The following CNIH3 variants were observed in gnomAD, a reference collection of about 807,000 sequenced individuals.
CNIH3 encodes the protein protein cornichon homolog 3.
In CNIH3, 14 loss-of-function variants were observed where a neutral mutation model predicts 24.1. The ratio of observed to expected loss-of-function variants is 0.58; its 90% CI spans 0.38 to 0.91. The LOEUF (loss-of-function observed/expected upper bound fraction) is 0.91, where lower values mean the gene tolerates loss of function less well. CNIH3 is among the 40% of genes least tolerant of loss of function. The probability of loss-of-function intolerance (pLI) is 0.00; values close to 1 mark genes in which losing one functional copy is unlikely to be tolerated. For synonymous variants in CNIH3, 68 were observed against 73.8 expected (o/e 0.92, Z 0.40); for missense variants, 178 against 196.8 (o/e 0.90, Z 0.57).
At chr1:224,460,291 G>A (rs1032639508) in intron 1 of CNIH3, among the ~76,000 whole-genome samples, 21 of 152,234 alleles carry the variant, frequency 1.4e-4, no homozygotes, top group Admixed American at 4.6e-4. Flanking sequence ...AATTTGATAA[G>A]TTTTGCCATA....
intron 1 of CNIH3, among the ~76,000 whole-genome samples, chr1:224,460,691 G>A (rs557669104): frequency 6.6e-6 from 1 of 151,992 alleles, no homozygotes; most frequent in South Asian, 2.1e-4. Flanking sequence ...AAGCTACTCT[G>A]AACATTTGTG....
intron 1 of CNIH3, among the ~76,000 whole-genome samples, chr1:224,679,380 C>T (rs1020410673): frequency 3.3e-5 from 5 of 152,122 alleles, no homozygotes; most frequent in African/African-American, 9.7e-5. Flanking sequence ...CAAACCAAAA[C>T]ATTCTTAGCT....
At chr1:224,463,770 CTCAT>C (rs1676030599) in intron 1 of CNIH3, among the ~76,000 whole-genome samples, 2 of 87,070 alleles carry the variant, frequency 2.3e-5, no homozygotes, top group Admixed American at 1.5e-4. Context: ...ATGAATTGTC[CTCAT>C]TTTTTTTTTT....
chr1:224,600,856 C>T (rs1197086387), intron 3 of CNIH3, among the ~76,000 whole-genome samples: 2 of 152,156 alleles, frequency 1.3e-5, no homozygotes, highest in Non-Finnish European at 2.9e-5. Flanking sequence ...AGAAAATATA[C>T]CAGAGATCTC....
intron 1 of CNIH3, among the ~76,000 whole-genome samples, chr1:224,508,588 T>C (rs1678010099): frequency 1.3e-5 from 2 of 152,216 alleles, no homozygotes; most frequent in African/African-American, 4.8e-5. Flanking sequence ...CTTTATTCCA[T>C]AAAACATCTT....
chr1:224,484,294 G>A (rs903843084), intron 1 of CNIH3, among the ~76,000 whole-genome samples: 2 of 152,016 alleles, frequency 1.3e-5, no homozygotes, highest in Admixed American at 1.3e-4. Context: ...GCCGGGCGCG[G>A]TAGTGGGCAC....
At chr1:224,708,644 T>A (rs1687958229) in intron 3 of CNIH3, among the ~76,000 whole-genome samples, 1 of 152,142 alleles carries the variant, frequency 6.6e-6, no homozygotes, top group East Asian at 1.9e-4. Flanking sequence ...TTTGTCCTGT[T>A]CCCCTTTGAC....
intron 3 of CNIH3, among the ~76,000 whole-genome samples, chr1:224,710,138 A>C (rs1166830206): frequency 6.6e-6 from 1 of 152,246 alleles, no homozygotes; most frequent in East Asian, 1.9e-4. Context: ...TAAATAGTAG[A>C]AAGTGAGACT....
chr1:224,595,029 C>T (rs1169129721), intron 3 of CNIH3, among the ~76,000 whole-genome samples: 4 of 152,112 alleles, frequency 2.6e-5, no homozygotes, highest in African/African-American at 9.7e-5. Flanking sequence ...CATGTGCTTG[C>T]CTCATGTCTC....
intron 4 of CNIH3, among the ~76,000 whole-genome samples, chr1:224,568,442 A>G (rs1680678469): frequency 6.6e-6 from 1 of 152,040 alleles, no homozygotes; most frequent in Non-Finnish European, 1.5e-5. Flanking sequence ...TATTCATATA[A>G]TATATATGTG....
intron 1 of CNIH3, among the ~76,000 whole-genome samples, chr1:224,663,367 A>T (rs752764659): frequency 6.6e-6 from 1 of 152,210 alleles, no homozygotes; most frequent in Non-Finnish European, 1.5e-5. Flanking sequence ...ATGTCGACGT[A>T]TGCACAATCA....
intron 4 of CNIH3, among the ~76,000 whole-genome samples, chr1:224,569,788 T>C (rs921621099): frequency 3.9e-5 from 6 of 152,094 alleles, no homozygotes; most frequent in African/African-American, 1.4e-4. Flanking sequence ...GAGAATATTT[T>C]CTTTCTTTTT....
intron 1 of CNIH3, among the ~76,000 whole-genome samples, chr1:224,447,668 T>G (rs1675223008): frequency 6.6e-6 from 1 of 152,216 alleles, no homozygotes; most frequent in African/African-American, 2.4e-5. Flanking sequence ...GCATTGTCCC[T>G]TACCTTGTAA....
intron 1 of CNIH3, among the ~76,000 whole-genome samples, chr1:224,488,734 C>T (rs1677128763): frequency 6.6e-6 from 1 of 152,166 alleles, no homozygotes; most frequent in African/African-American, 2.4e-5. Flanking sequence ...TTCCAAAATG[C>T]TTGGATTATA....
chr1:224,696,498 G>A (rs1260505575), intron 3 of CNIH3, among the ~76,000 whole-genome samples: 2 of 152,178 alleles, frequency 1.3e-5, no homozygotes, highest in African/African-American at 4.8e-5. Flanking sequence ...GCCTGTGCAG[G>A]GCACACAGCC....
rs112503366 is a variant in CNIH3, at chr1:224,461,260, C to T, written n.203+26398C>T. ...TCAAGTGACCCACCCACCTTTGCCT[C>T]CCAAAGTGCTTGGATTACAGGCATG... On this transcript the variant is annotated intron_variant and non_coding_transcript_variant, in intron 1 of 5. Coordinates refer to the CNIH3 transcript ENST00000471578. 5.2e-3 allele frequency among the ~76,000 whole-genome samples: 791 copies of T among 152,238 alleles called. 5 individuals are homozygous for T. Among genetic ancestry groups the T allele is most frequent in the Middle Eastern group, 0.041 (12 of 294 alleles).
In CNIH3 at chr1:224,723,775, A is replaced by G. The variant is rs538783529; in HGVS notation, c.199-6687A>G. On this transcript the variant is annotated intron_variant, in intron 3 of 5. Transcript: ENST00000272133. ...CCCAGTGGTCAGCCATGAGGGTCCA[A>G]TTCTGGCCATGGAAGGCCAAGATCA... Among the ~76,000 whole-genome samples, 74 of 152,346 alleles carry G rather than the reference A, an allele frequency of 4.9e-4. 1 individual carries two copies. The highest frequency in any genetic ancestry group is 1.1e-3 in the African/African-American group (46 of 41,592).
At chr1:224,588,556 G>T (rs1681608603) in exon 6 of CNIH3, 1 of 151,712 alleles carries the variant, frequency 6.6e-6, no homozygotes, top group African/African-American at 2.4e-5. Context: ...GGATGAAGAA[G>T]ACATTTTTGG....
intron 1 of CNIH3, among the ~76,000 whole-genome samples, chr1:224,484,391 C>A (rs1676946955): frequency 1.3e-5 from 2 of 151,086 alleles, no homozygotes; most frequent in Non-Finnish European, 2.9e-5. Flanking sequence ...GATCACGCCA[C>A]TGCACTCCAG....
Sources: allele counts gnomAD v4.1 joint callset (sites outside exome capture counted in the v4.1 genomes callset), GRCh38; gene constraint gnomAD v4.1.1; transcripts MANE v1.5; gene names NCBI Gene and HGNC (gene_info 2026-07-23, HGNC 2026-07-21).